Variants in DOCK10 observed in about 807,000 individuals in gnomAD.
The protein encoded by DOCK10 is dedicator of cytokinesis protein 10.
In DOCK10, 145 loss-of-function variants were observed where a neutral mutation model predicts 280.1. That is an observed-to-expected ratio of 0.52 (90% CI 0.45 to 0.59). The LOEUF is 0.59. Ranked by LOEUF, DOCK10 falls within the 20% of genes least tolerant of loss-of-function variation. DOCK10 has a pLI of 0.00. For synonymous variants in DOCK10, 915 were observed against 942.2 expected (o/e 0.97, Z 0.53); for missense variants, 2,368 against 2,651.7 (o/e 0.89, Z 2.35).
chr2:225,032,836 G>A (rs1690118946), intron 1 of DOCK10, among the ~76,000 whole-genome samples: 1 of 152,162 alleles, frequency 6.6e-6, no homozygotes, highest in Admixed American at 6.5e-5. Context: ...CAAGTCAAAT[G>A]TTCATGTCTG....
chr2:224,804,096 G>C lies in DOCK10; in HGVS notation c.4268+16C>G. The C allele has an allele frequency of 6.5e-7, 1 of 1,549,478 alleles. No homozygotes were observed. The highest frequency in any genetic ancestry group is 2.3e-5 in the East Asian group (1 of 44,344). The stretch of plus-strand genomic sequence containing the variant: ...AGCTATATATAATTTTAAATACCAA[G>C]CAAATGTGACATTACCATTGTGACA... On this transcript the variant is annotated intron_variant, in intron 39 of 55. Transcript: ENST00000258390.
intron 38 of DOCK10, among the ~76,000 whole-genome samples, chr2:224,804,428 C>T (rs747187022): frequency 1.5e-4 from 23 of 148,928 alleles, no homozygotes; most frequent in Middle Eastern, 3.5e-3. Flanking sequence ...GATGACAGTA[C>T]GAAGTTATTC....
At chr2:224,899,505 A>T (rs924438448) in intron 3 of DOCK10, among the ~76,000 whole-genome samples, 8 of 152,214 alleles carry the variant, frequency 5.3e-5, no homozygotes, top group Admixed American at 1.3e-4. Context: ...ATTGTGTTAT[A>T]TGTTAGAAAA....
intron 11 of DOCK10, among the ~76,000 whole-genome samples, chr2:224,866,345 G>C (rs1034508976): frequency 1.3e-5 from 2 of 152,074 alleles, no homozygotes; most frequent in African/African-American, 4.8e-5. Flanking sequence ...ATGCTTTTAT[G>C]GCAGTAAAAT....
At chr2:224,781,494 C>T (rs1274744324) in intron 50 of DOCK10, among the ~76,000 whole-genome samples, 1 of 152,184 alleles carries the variant, frequency 6.6e-6, no homozygotes, top group Non-Finnish European at 1.5e-5. Flanking sequence ...GCAAAGCCCA[C>T]TGAGCTACAG....
chr2:224,840,216 T>C (rs1409836982), intron 23 of DOCK10, 144 bp from the exon 24 acceptor site: 1 of 525,380 alleles, frequency 1.9e-6, no homozygotes, highest in African/African-American at 1.9e-5. Context: ...TTTTTGGATA[T>C]GACCCTCAAA....
intron 27 of DOCK10, among the ~76,000 whole-genome samples, chr2:224,824,382 A>G (rs541221060): frequency 6.3e-5 from 9 of 143,410 alleles, no homozygotes; most frequent in East Asian, 2.0e-4. Flanking sequence ...ACTCCTGCAT[A>G]TGAGGGGAAC....
chr2:224,930,032 C>T (rs2126014839), intron 2 of DOCK10, among the ~76,000 whole-genome samples: 1 of 152,028 alleles, frequency 6.6e-6, no homozygotes. Context: ...AAAACCCCAT[C>T]TCTACTAAAA....
At chr2:224,824,362 T>C (rs1694703627) in intron 27 of DOCK10, among the ~76,000 whole-genome samples, 1 of 149,960 alleles carries the variant, frequency 6.7e-6, no homozygotes, top group African/African-American at 2.5e-5. Context: ...TATCCATCCC[T>C]CCTGTTTGGA....
intron 19 of DOCK10, among the ~76,000 whole-genome samples, chr2:224,847,232 C>T (rs1696422905): frequency 6.6e-6 from 1 of 152,144 alleles, no homozygotes; most frequent in Non-Finnish European, 1.5e-5. Context: ...AAAGCCCTGC[C>T]ACGTACACCA....
At position 224,854,978 on chromosome 2, in the gene DOCK10, G is replaced by C. The variant is rs1697011468; in HGVS notation, c.1873C>G (p.Pro625Ala). Residue 625 changes from proline (P) to alanine (A), a missense_variant, in exon 16 of 56, where the codon CCC (proline) becomes GCC (alanine). Coordinates refer to ENST00000258390, the MANE Select transcript of DOCK10 (RefSeq NM_014689.3). ...GSLDIAVDNV[P>A]LEHPNCVTSS... ...ATCATCATACTTGGATGCTCCAAGG[G>C]AACGTTGTCAACAGCAATATCCAGG... The C allele has an allele frequency of 1.2e-6, 2 of 1,608,886 alleles. No individual in the cohort carries two copies. The highest frequency in any genetic ancestry group is 1.1e-5 in the South Asian group (1 of 90,120).
At chr2:224,847,610 G>T (rs1285244343) in intron 19 of DOCK10, among the ~76,000 whole-genome samples, 1 of 152,134 alleles carries the variant, frequency 6.6e-6, no homozygotes, top group Non-Finnish European at 1.5e-5. Flanking sequence ...TTCCAGATGG[G>T]CTTTGTCAAC....
intron 30 of DOCK10, among the ~76,000 whole-genome samples, chr2:224,815,118 C>T (rs1281285791): frequency 1.3e-5 from 2 of 152,064 alleles, no homozygotes; most frequent in South Asian, 2.1e-4. Flanking sequence ...CAGTTTCCCC[C>T]GTGCTGTTCT....
In DOCK10 at chr2:224,773,337, C is replaced by A. The variant is rs927552954; in HGVS notation, c.6024G>T (p.Leu2008=). 4 of 1,610,680 alleles carry A rather than the reference C, an allele frequency of 2.5e-6. No homozygotes were observed. Among genetic ancestry groups the A allele is most frequent in the Non-Finnish European group, 3.4e-6 (4 of 1,178,554 alleles). The change falls in exon 53 of 56, where the codon CTG becomes CTT. Residue 2008 remains leucine, a synonymous_variant. Transcript: ENST00000258390. Reference sequence around the variant, plus strand: ...GTATTCTCTTCTTCACGTAGGGGAACAGGTGACTCGCTGTACAAAAGCCAT... The same window carrying A: ...GTATTCTCTTCTTCACGTAGGGGAAAAGGTGACTCGCTGTACAAAAGCCAT... The part of the protein sequence containing the change: ...KRRTILTTSH[L]FPYVKKRIQV...
Position 224,916,676 on chromosome 2 carries a change from T to A in DOCK10, c.333+19A>T, listed in dbSNP as rs77982509. 4 of 1,574,496 alleles carry A rather than the reference T, an allele frequency of 2.5e-6. No homozygotes were observed. Among genetic ancestry groups the A allele is most frequent in the Non-Finnish European group, 3.5e-6 (4 of 1,151,732 alleles). On this transcript the variant is annotated intron_variant, in intron 3 of 55. Transcript: ENST00000258390. ...AAAGCAAAAGCCTTAAAATAAAGCATTGGAAGCATCACATTTACCTCCTTA... is the reference window on the plus strand; with the variant it reads ...AAAGCAAAAGCCTTAAAATAAAGCAATGGAAGCATCACATTTACCTCCTTA...
Position 224,874,058 on chromosome 2 carries a change from T to C in DOCK10, c.1195A>G (p.Lys399Glu), listed in dbSNP as rs754124482. 1.8e-5 allele frequency: 29 copies of C among 1,613,634 alleles called. No homozygotes were observed. In the Admixed American group the frequency reaches 3.7e-4, roughly 20 times the overall value. The change falls in exon 11 of 56, where the codon AAA becomes GAA. Residue 399 changes from lysine to glutamate, a missense_variant. Around this residue, in one of 2 missense-constraint regions of DOCK10, gnomAD observed 1,209 missense variants for 1,250.9 expected, o/e 0.97. Transcript: ENST00000258390. ...KAAKRIMIIC[K>E]ALNSNLQGCV... ...CCCTGAAGATTTGAGTTGAGGGCTTTACAGATGATCATGATTCTCTTGGCA... is the reference window on the plus strand; with the variant it reads ...CCCTGAAGATTTGAGTTGAGGGCTTCACAGATGATCATGATTCTCTTGGCA...
chr2:224,982,058 C>T (rs1416438687), intron 1 of DOCK10: 21 of 504,132 alleles, frequency 4.2e-5, no homozygotes, highest in Non-Finnish European at 5.9e-5. Flanking sequence ...GAAATAGTTC[C>T]GAAAGATTTT....
Position 224,804,891 on chromosome 2 carries a change from T to C in DOCK10, c.4119-50A>G, listed in dbSNP as rs1272584. 4.4e-6 allele frequency: 6 copies of C among 1,366,736 alleles called. No homozygotes were observed. In the African/African-American group the frequency reaches 6.0e-5, roughly 14 times the overall value. 84.7% of individuals were successfully genotyped at this position (1,366,736 alleles called of 1,614,324 possible). ...TTTAATTATTCATATTCTTTTATTA[T>C]ACAAACTGTTCATCTAAGTATATTG... On this transcript the variant is annotated intron_variant, in intron 37 of 55. Coordinates refer to ENST00000258390, the MANE Select transcript of DOCK10 (RefSeq NM_014689.3).
chr2:224,889,679 G>A (rs567677381), intron 4 of DOCK10, among the ~76,000 whole-genome samples: 2 of 152,340 alleles, frequency 1.3e-5, no homozygotes, highest in East Asian at 1.9e-4. Flanking sequence ...TGGGATGGCA[G>A]AGGAAGTAGC....
Sources: gnomAD v4.1 joint callset for allele counts (sites outside exome capture counted in the v4.1 genomes callset) on GRCh38, gnomAD v4.1.1 for gene constraint, gnomAD v4.1.1 regional missense constraint, MANE v1.5 for transcripts, NCBI Gene and HGNC (gene_info 2026-07-23, HGNC 2026-07-21) for gene names.